The following IL34 variants were observed in gnomAD, a reference collection of about 807,000 sequenced individuals.
The protein encoded by IL34 is interleukin 34, also known as interleukin-34.
In IL34, 17 loss-of-function variants were observed where a neutral mutation model predicts 25.3. The ratio of observed to expected loss-of-function variants is 0.67; its 90% CI spans 0.46 to 1.01. IL34 has a LOEUF of 1.01. Among genes scored for constraint, IL34 ranks in the 50% least tolerant of loss-of-function variants. IL34 has a pLI of 0.00. For missense variants in IL34, 368 were observed against 312.9 expected, an observed-to-expected ratio of 1.18 and a Z score of -1.33; for synonymous variants, 174 against 140.9, an observed-to-expected ratio of 1.23 and a Z score of -1.66.
rs1299892790 is a variant in IL34 at position 70,617,936 on chromosome 16, A to C, written c.-400-28612A>C. Among the ~76,000 whole-genome samples the C allele has an allele frequency of 2.6e-5, 4 of 152,032 alleles. No individual in the cohort carries two copies. In the East Asian group the frequency reaches 7.7e-4, roughly 29 times the overall value. On this transcript the variant is annotated intron_variant, in intron 1 of 6. Coordinates refer to the IL34 transcript ENST00000429149. ...CTCTACCTATCCAGTGAAAGTATCT[A>C]CCTAGACTAAGAGGTATTTTAGTTA...
At chr16:70,623,637 G>T (rs559215966) in intron 1 of IL34, among the ~76,000 whole-genome samples, 15 of 152,090 alleles carry the variant, frequency 9.9e-5, no homozygotes, top group Middle Eastern at 3.4e-3. Flanking sequence ...ATACTTGTGG[G>T]TTAAGGTGGG....
intron 1 of IL34, among the ~76,000 whole-genome samples, chr16:70,653,816 T>C (rs982607266): frequency 2.0e-5 from 3 of 152,236 alleles, no homozygotes; most frequent in Admixed American, 6.5e-5. Context: ...TTAACCTTTA[T>C]TCATATTTGT....
At chr16:70,618,391 T>A (rs936356930) in intron 1 of IL34, among the ~76,000 whole-genome samples, 4 of 151,856 alleles carry the variant, frequency 2.6e-5, no homozygotes, top group Non-Finnish European at 4.4e-5. Flanking sequence ...ACAACGGTAA[T>A]TGTGGGAGAC....
At chr16:70,628,781 C>T (rs2051453003) in intron 1 of IL34, among the ~76,000 whole-genome samples, 1 of 142,586 alleles carries the variant, frequency 7.0e-6, no homozygotes, top group South Asian at 2.3e-4. Flanking sequence ...GCCATCACAC[C>T]TGGTCTTTTT....
intron 1 of IL34, among the ~76,000 whole-genome samples, chr16:70,636,953 C>A (rs536993556): frequency 1.3e-5 from 2 of 151,758 alleles, no homozygotes; most frequent in South Asian, 2.1e-4. Flanking sequence ...AATCTCGGCT[C>A]ACTGCAAGTT....
At chr16:70,657,328 G>A (rs1372395259) in intron 4 of IL34, 5 of 579,088 alleles carry the variant, frequency 8.6e-6, no homozygotes, top group African/African-American at 3.8e-5. Context: ...ATGAGAGCCG[G>A]GCTCGGGGTG....
intron 1 of IL34, among the ~76,000 whole-genome samples, chr16:70,639,572 G>T (rs34580834): frequency 5.3e-5 from 8 of 152,086 alleles, no homozygotes; most frequent in Non-Finnish European, 1.2e-4. Flanking sequence ...CAGTTGTCAC[G>T]TGCCTTCTGT....
intron 1 of IL34, among the ~76,000 whole-genome samples, chr16:70,639,074 C>T (rs908820147): frequency 2.6e-5 from 4 of 152,138 alleles, no homozygotes; most frequent in Non-Finnish European, 5.9e-5. Context: ...CATGGATTTT[C>T]ATGTTTTATT....
intron 1 of IL34, among the ~76,000 whole-genome samples, chr16:70,589,802 T>A (rs2050732297): frequency 6.6e-6 from 1 of 152,078 alleles, no homozygotes; most frequent in South Asian, 2.1e-4. Flanking sequence ...TTTGTATTTT[T>A]AGTAGAGATG....
At chr16:70,603,453 A>AC (rs1350156243) in intron 1 of IL34, among the ~76,000 whole-genome samples, 1 of 151,732 alleles carries the variant, frequency 6.6e-6, no homozygotes, top group Non-Finnish European at 1.5e-5. Flanking sequence ...TAAATTTTGT[A>AC]TTTTTAGTAG....
intron 1 of IL34, among the ~76,000 whole-genome samples, chr16:70,635,708 C>G (rs898288410): frequency 3.9e-5 from 6 of 152,158 alleles, no homozygotes; most frequent in African/African-American, 1.4e-4. Flanking sequence ...AGTGCAAAAA[C>G]AACAGCAAAA....
At chr16:70,625,543 C>G (rs758978048) in intron 1 of IL34, among the ~76,000 whole-genome samples, 1 of 152,028 alleles carries the variant, frequency 6.6e-6, no homozygotes, top group Non-Finnish European at 1.5e-5. Flanking sequence ...GCCCCTCCCC[C>G]AGAAAAGCGG....
At chr16:70,654,735 T>A in intron 2 of IL34, 64 bp downstream of exon 2, 1 of 1,528,776 alleles carries the variant, frequency 6.5e-7, no homozygotes. Flanking sequence ...GGCATAGGCC[T>A]CTGGACATTC....
chr16:70,606,893 T>G (rs980762582), intron 1 of IL34, among the ~76,000 whole-genome samples: 4 of 152,162 alleles, frequency 2.6e-5, no homozygotes, highest in African/African-American at 9.7e-5. Context: ...CAGACAGTTC[T>G]TTTTATTGCT....
At chr16:70,593,743 T>A (rs2050782968) in intron 1 of IL34, among the ~76,000 whole-genome samples, 1 of 152,074 alleles carries the variant, frequency 6.6e-6, no homozygotes, top group Non-Finnish European at 1.5e-5. Flanking sequence ...CCCAGCCTGA[T>A]CTCAGACTCC....
chr16:70,659,834 G>T (rs527707162), intron 5 of IL34, 81 bp downstream of exon 5: 1 of 1,522,354 alleles, frequency 6.6e-7, no homozygotes, highest in Admixed American at 2.0e-5. Context: ...CAGAGCTGGC[G>T]TCCTCCCGGG....
intron 1 of IL34, among the ~76,000 whole-genome samples, chr16:70,629,897 A>G (rs1277031026): frequency 6.6e-6 from 1 of 152,102 alleles, no homozygotes; most frequent in African/African-American, 2.4e-5. Context: ...AAAATGTACA[A>G]TTACATTATT....
At chr16:70,659,554 C>T in intron 4 of IL34, 64 bp from the exon 5 acceptor site, 1 of 1,539,820 alleles carries the variant, frequency 6.5e-7, no homozygotes, top group South Asian at 1.3e-5. Context: ...CTGGACAGCC[C>T]TCACGGCTCT....
At chr16:70,633,234 G>A (rs2051559448) in intron 1 of IL34, among the ~76,000 whole-genome samples, 1 of 151,760 alleles carries the variant, frequency 6.6e-6, no homozygotes, top group African/African-American at 2.4e-5. Context: ...CAAAGTGCTG[G>A]GATTACAAGT....
Sources: allele counts gnomAD v4.1 joint callset (sites outside exome capture counted in the v4.1 genomes callset), GRCh38; gene constraint gnomAD v4.1.1; transcripts MANE v1.5; gene names NCBI Gene and HGNC (gene_info 2026-07-23, HGNC 2026-07-21).